MAF: variants seen among roughly 807,000 people sequenced by gnomAD.
MAF encodes the protein transcription factor Maf.
Under a neutral mutation model 22.0 loss-of-function variants are expected in MAF, and 10 were observed. The ratio of observed to expected loss-of-function variants is 0.45; its 90% CI spans 0.28 to 0.77. MAF has a LOEUF of 0.77. Ranked by LOEUF, MAF falls within the 30% of genes least tolerant of loss-of-function variation. MAF has a pLI of 0.12. For synonymous variants in MAF, 337 were observed against 255.8 expected, an observed-to-expected ratio of 1.32 and a Z score of -3.03; for missense variants, 544 against 548.4, an observed-to-expected ratio of 0.99 and a Z score of 0.08.
chr16:79,459,132 A>G, the MAF span, among the ~76,000 whole-genome samples: 1 of 152,198 alleles, frequency 6.6e-6, no homozygotes, highest in Non-Finnish European at 1.5e-5. Flanking sequence ...CATTTAGGAT[A>G]GAAGACAAGG....
At chr16:79,377,059 A>G in the MAF span, among the ~76,000 whole-genome samples, 1 of 152,196 alleles carries the variant, frequency 6.6e-6, no homozygotes, top group Admixed American at 6.5e-5. Context: ...TGGCTGGGTC[A>G]AATGGTATTT....
At chr16:79,507,093 G>C in the MAF span, among the ~76,000 whole-genome samples, 545 of 148,826 alleles carry the variant, frequency 3.7e-3, 2 homozygotes, top group African/African-American at 0.013. Context: ...AATAAACCAT[G>C]CTTAATTAAC....
the MAF span, among the ~76,000 whole-genome samples, chr16:79,373,408 A>G: frequency 1.1e-5 from 1 of 89,012 alleles, no homozygotes; most frequent in African/African-American, 4.3e-5. Flanking sequence ...TTTGAGACAC[A>G]GTCTCGCTCT....
intron 1 of MAF, among the ~76,000 whole-genome samples, chr16:79,586,315 G>A (rs1236616896): frequency 6.6e-6 from 1 of 152,128 alleles, no homozygotes; most frequent in Non-Finnish European, 1.5e-5. Context: ...TTTCTGTTGG[G>A]CTTCTCTCAA....
At chr16:79,307,439 C>T in the MAF span, among the ~76,000 whole-genome samples, 13 of 152,206 alleles carry the variant, frequency 8.5e-5, no homozygotes, top group Admixed American at 3.9e-4. Context: ...CTAGAAGCAA[C>T]GCATCAGCAG....
chr16:79,523,485 C>T, the MAF span, among the ~76,000 whole-genome samples: 4 of 152,218 alleles, frequency 2.6e-5, no homozygotes, highest in Non-Finnish European at 5.9e-5. Flanking sequence ...TTCATTTGTT[C>T]ACTCATTCTA....
chr16:79,409,004 G>A, the MAF span, among the ~76,000 whole-genome samples: 41 of 133,950 alleles, frequency 3.1e-4, no homozygotes, highest in East Asian at 4.3e-3. Flanking sequence ...TTCAAATTGC[G>A]TGTGTCCCCA....
At chr16:79,370,737 G>A in the MAF span, among the ~76,000 whole-genome samples, 2 of 152,120 alleles carry the variant, frequency 1.3e-5, no homozygotes, top group African/African-American at 2.4e-5. Flanking sequence ...CTCCGTCTCT[G>A]TTGTTACCTG....
chr16:79,288,313 G>C, the MAF span, among the ~76,000 whole-genome samples: 1 of 152,184 alleles, frequency 6.6e-6, no homozygotes, highest in African/African-American at 2.4e-5. Flanking sequence ...GATATTTCAA[G>C]GCAGTTTCTA....
the MAF span, among the ~76,000 whole-genome samples, chr16:79,439,758 G>C: frequency 5.3e-5 from 8 of 152,272 alleles, no homozygotes; most frequent in African/African-American, 1.7e-4. Flanking sequence ...AGCCAACAGA[G>C]GAAGTGCTGG....
the MAF span, among the ~76,000 whole-genome samples, chr16:79,267,248 G>A: frequency 6.6e-6 from 1 of 152,112 alleles, no homozygotes; most frequent in Non-Finnish European, 1.5e-5. Flanking sequence ...GATGTGGTGG[G>A]GTATTGTGCC....
the MAF span, among the ~76,000 whole-genome samples, chr16:79,367,455 A>T: frequency 6.6e-6 from 1 of 152,194 alleles, no homozygotes; most frequent in Admixed American, 6.5e-5. Context: ...GAACAAATTC[A>T]CTGGGGTCTA....
the MAF span, among the ~76,000 whole-genome samples, chr16:79,502,708 A>AATATAAATATAAATATAT: frequency 2.6e-4 from 9 of 33,964 alleles, no homozygotes; most frequent in Admixed American, 5.4e-4. Flanking sequence ...TATAAATATA[A>AATATAAATATAAATATAT]ATATATATAT....
the MAF span, among the ~76,000 whole-genome samples, chr16:79,292,346 C>G: frequency 6.6e-6 from 1 of 152,066 alleles, no homozygotes; most frequent in Non-Finnish European, 1.5e-5. Flanking sequence ...AGCTGCAAGC[C>G]AAGAAATTGA....
the MAF span, among the ~76,000 whole-genome samples, chr16:79,267,388 A>G: frequency 1.7e-4 from 26 of 152,286 alleles, no homozygotes; most frequent in African/African-American, 6.3e-4. Context: ...ATACACGAAA[A>G]GTGTGAGCTC....
the MAF span, among the ~76,000 whole-genome samples, chr16:79,451,987 C>A: frequency 4.4e-5 from 4 of 91,402 alleles, no homozygotes; most frequent in Admixed American, 4.1e-4. Context: ...CTGCAGGAGT[C>A]CGCAAAGGTT....
chr16:79,415,491 T>G, the MAF span, among the ~76,000 whole-genome samples: 2 of 152,134 alleles, frequency 1.3e-5, no homozygotes, highest in African/African-American at 4.8e-5. Flanking sequence ...TAGAGCTATG[T>G]GTTGGGGCAG....
chr16:79,263,704 CTCAACCTTACTTTCCCTG>C, the MAF span, among the ~76,000 whole-genome samples: 2 of 150,684 alleles, frequency 1.3e-5, no homozygotes, highest in Non-Finnish European at 3.0e-5. Flanking sequence ...AGGTTGTCTC[CTCAACCTTACTTTCCCTG>C]GTAATTAGCT....
chr16:79,490,073 G>C, the MAF span, among the ~76,000 whole-genome samples: 8 of 152,326 alleles, frequency 5.3e-5, no homozygotes, highest in Non-Finnish European at 8.8e-5. Flanking sequence ...CTACACCTGT[G>C]TGTGGCAAGG....
Sources: allele counts gnomAD v4.1 joint callset (sites outside exome capture counted in the v4.1 genomes callset), GRCh38; gene constraint gnomAD v4.1.1; transcripts MANE v1.5; gene names NCBI Gene and HGNC (gene_info 2026-07-23, HGNC 2026-07-21).